Variants in CBL observed in about 807,000 individuals in gnomAD.
CBL encodes Cbl proto-oncogene.
Under a neutral mutation model 96.9 loss-of-function variants are expected in CBL, and 45 were observed. That is an observed-to-expected ratio of 0.46 (90% confidence interval 0.37 to 0.60). The LOEUF (loss-of-function observed/expected upper bound fraction) is 0.60, where lower values mean the gene tolerates loss of function less well. Ranked by LOEUF, CBL falls within the 20% of genes least tolerant of loss-of-function variation. The pLI, the probability that CBL is intolerant of heterozygous loss-of-function variation, is 0.00. For missense variants in CBL, 1,024 were observed against 1,143.5 expected, an observed-to-expected ratio of 0.90 and a Z score of 1.51; for synonymous variants, 420 against 426.8, an observed-to-expected ratio of 0.98 and a Z score of 0.20.
At chr11:119,257,319 G>A (rs764181225) in intron 2 of CBL, among the ~76,000 whole-genome samples, 2 of 152,158 alleles carry the variant, frequency 1.3e-5, no homozygotes, top group Non-Finnish European at 2.9e-5. Context: ...GGGTAAGGTG[G>A]TATCTCATTG....
intron 1 of CBL, among the ~76,000 whole-genome samples, chr11:119,213,500 C>T (rs569088576): frequency 3.0e-4 from 46 of 152,288 alleles, no homozygotes; most frequent in African/African-American, 9.9e-4. Context: ...TTTATCTTAA[C>T]CTCTCAGGAT....
At chr11:119,206,657 CG>C in intron 1 of CBL, 45 bp downstream of exon 1, 1 of 1,311,358 alleles carries the variant, frequency 7.6e-7, no homozygotes, top group Non-Finnish European at 1.0e-6. Flanking sequence ...TGGGCGTGGG[CG>C]GAGGGCCGCG....
intron 1 of CBL, among the ~76,000 whole-genome samples, chr11:119,212,839 C>T (rs954598502): frequency 1.3e-5 from 2 of 151,704 alleles, no homozygotes; most frequent in East Asian, 1.9e-4. Context: ...GGTGAAACCC[C>T]GTCTCTACCA....
chr11:119,275,282 T>TA (rs1949880195), intron 5 of CBL, among the ~76,000 whole-genome samples: 1 of 151,856 alleles, frequency 6.6e-6, no homozygotes, highest in Admixed American at 6.6e-5. Context: ...CTACTAAAAA[T>TA]ACAAAAATTA....
chr11:119,225,085 T>TA (rs1949447417), intron 1 of CBL, among the ~76,000 whole-genome samples: 1 of 151,502 alleles, frequency 6.6e-6, no homozygotes, highest in African/African-American at 2.4e-5. Context: ...CGCGCGCTTG[T>TA]ATGTATGCAT....
At chr11:119,282,904 C>G (rs889038144) in intron 9 of CBL, among the ~76,000 whole-genome samples, 11 of 151,796 alleles carry the variant, frequency 7.2e-5, no homozygotes, top group Admixed American at 2.0e-4. Context: ...GGCAACATGA[C>G]AAGACCCCGT....
In CBL at chr11:119,285,304, C is replaced by T. The variant is rs530189600; in HGVS notation, c.1679C>T (p.Pro560Leu). 1.9e-6 allele frequency: 3 copies of T among 1,614,194 alleles called. No homozygotes were observed. The highest frequency in any genetic ancestry group is 2.7e-5 in the African/African-American group (2 of 75,038). ...RPYSVGAESRPQRRPLPCTPG... is the reference protein window; with the variant it reads ...RPYSVGAESRLQRRPLPCTPG... ...TATTCTGTTGGAGCAGAATCCCGAC[C>T]TCAAAGACGCCCCTTGCCTTGTACA... The change falls in exon 11 of 16, where the codon CCT (proline) becomes CTT (leucine). Residue 560 changes from proline (P) to leucine (L), a missense_variant. Pro to Leu is a moderately conservative substitution (Grantham distance 98). This residue lies in a region of CBL where 695 missense variants were observed against 661.6 expected (regional missense o/e 1.05). Transcript: ENST00000264033.
At chr11:119,231,847 G>C (rs919082069) in intron 1 of CBL, among the ~76,000 whole-genome samples, 2 of 151,658 alleles carry the variant, frequency 1.3e-5, no homozygotes, top group Non-Finnish European at 2.9e-5. Flanking sequence ...GTGGCTCAGG[G>C]CTGTAATCCC....
intron 2 of CBL, among the ~76,000 whole-genome samples, chr11:119,246,737 C>T (rs1390306507): frequency 6.6e-6 from 1 of 152,230 alleles, no homozygotes; most frequent in Non-Finnish European, 1.5e-5. Context: ...CAGGTGTGAG[C>T]CAGTGCGCCC....
At chr11:119,267,574 C>T (rs118173892) in intron 2 of CBL, among the ~76,000 whole-genome samples, 37 of 152,344 alleles carry the variant, frequency 2.4e-4, no homozygotes, top group Admixed American at 3.9e-4. Context: ...AGACTACCCT[C>T]CCTAAACAGC....
chr11:119,305,688 T>C lies in CBL; in HGVS notation c.*5907T>C, dbSNP rs2511844. 28,441 of 224,786 alleles carry C rather than the reference T, an allele frequency of 0.13. 4,350 individuals carry two copies. Among genetic ancestry groups the C allele is most frequent in the African/African-American group, 0.42 (18,838 of 44,870 alleles). The allele number at this position is 224,786 out of a possible 1,614,324, so 13.9% of individuals were successfully genotyped here. A position where few individuals can be genotyped will look rare whatever the true frequency, so the allele number is the denominator to read the frequency against. On this transcript the variant is annotated 3_prime_UTR_variant, in exon 16 of 16. Coordinates refer to ENST00000264033, the MANE Select transcript of CBL (RefSeq NM_005188.4). Reference sequence around the variant, plus strand: ...GATAGAGTTTTTACCGAGAGCTCTTTAGACAGTATACCTGTGTCTTCTCTG... The same window carrying C: ...GATAGAGTTTTTACCGAGAGCTCTTCAGACAGTATACCTGTGTCTTCTCTG...
rs1950100040 is a variant in CBL at position 119,301,342 on chromosome 11, G to A, written c.*1561G>A. On this transcript the variant is annotated 3_prime_UTR_variant, in exon 16 of 16. Transcript: ENST00000264033. ...GAACTATTAGTCAGTTCTTTTATAT[G>A]CTGATAAATGATCCCTCGAGTTCAG... The A allele has an allele frequency of 1.7e-5, 4 of 233,236 alleles. No individual in the cohort carries two copies. The highest frequency in any genetic ancestry group is 6.0e-5 in the East Asian group (1 of 16,594). The allele number at this position is 233,236 out of a possible 1,614,324, so 14.4% of individuals were successfully genotyped here.
At chr11:119,270,990 T>C (rs1949844093) in intron 2 of CBL, among the ~76,000 whole-genome samples, 1 of 152,242 alleles carries the variant, frequency 6.6e-6, no homozygotes. Flanking sequence ...GGTTTGGATG[T>C]TAGCATCTCA....
At chr11:119,222,486 C>T (rs750938147) in intron 1 of CBL, among the ~76,000 whole-genome samples, 9 of 152,114 alleles carry the variant, frequency 5.9e-5, no homozygotes, top group East Asian at 1.9e-4. Flanking sequence ...GTTGGTTTCC[C>T]GGAGCTAAGC....
chr11:119,237,568 G>A (rs1040858488), intron 2 of CBL, among the ~76,000 whole-genome samples: 2 of 152,158 alleles, frequency 1.3e-5, no homozygotes, highest in Non-Finnish European at 2.9e-5. Context: ...TATGGTATGA[G>A]GTAGAGGTCC....
intron 1 of CBL, among the ~76,000 whole-genome samples, chr11:119,211,628 C>G (rs1003610676): frequency 2.0e-5 from 3 of 151,766 alleles, no homozygotes; most frequent in African/African-American, 7.3e-5. Flanking sequence ...CTTAGCCTCC[C>G]AAGTAGCTGG....
intron 2 of CBL, among the ~76,000 whole-genome samples, chr11:119,260,701 A>G (rs1949747631): frequency 6.6e-6 from 1 of 151,976 alleles, no homozygotes; most frequent in South Asian, 2.1e-4. Flanking sequence ...TCTGTCTCAA[A>G]TCTGTCTTTA....
Position 119,232,456 on chromosome 11 carries a change from G to A in CBL, c.204G>A (p.Arg68=), listed in dbSNP as rs1193552867. 10 of 1,613,714 alleles carry A rather than the reference G, an allele frequency of 6.2e-6. No individual in the cohort carries two copies. Among genetic ancestry groups the A allele is most frequent in the Non-Finnish European group, 8.5e-6 (10 of 1,179,990 alleles). The change falls in exon 2 of 16, where the codon CGG becomes CGA. Residue 68 remains arginine, a synonymous_variant. Transcript: ENST00000264033. Reference sequence around the variant, plus strand: ...TTTTTCATTTGTTGCAGGTGGTGCGGTTGTGTCAGAACCCAAAGCTGGCGC... The same window carrying A: ...TTTTTCATTTGTTGCAGGTGGTGCGATTGTGTCAGAACCCAAAGCTGGCGC... ...KCWKLMDKVV[R]LCQNPKLALK...
intron 2 of CBL, among the ~76,000 whole-genome samples, chr11:119,270,784 T>C (rs1307089939): frequency 2.0e-5 from 3 of 152,202 alleles, no homozygotes; most frequent in Non-Finnish European, 4.4e-5. Flanking sequence ...TTTCGCCACG[T>C]TGGCCAGGCT....
Sources: gnomAD v4.1 joint callset for allele counts (sites outside exome capture counted in the v4.1 genomes callset) on GRCh38, gnomAD v4.1.1 for gene constraint, gnomAD v4.1.1 regional missense constraint, MANE v1.5 for transcripts, NCBI Gene and HGNC (gene_info 2026-07-23, HGNC 2026-07-21) for gene names.